The following PRELID2 variants were observed in gnomAD, a reference collection of about 807,000 sequenced individuals.
PRELID2 encodes the protein PRELI domain-containing protein 2.
In PRELID2, 25 loss-of-function variants were observed where a neutral mutation model predicts 28.4. That is an observed-to-expected ratio of 0.88 (90% CI 0.64 to 1.23). The LOEUF (loss-of-function observed/expected upper bound fraction) is 1.23, where lower values mean the gene tolerates loss of function less well. Among genes scored for constraint, PRELID2 ranks in the 50% most tolerant of loss-of-function variants. The probability of loss-of-function intolerance (pLI) is 0.00; values close to 1 mark genes in which losing one functional copy is unlikely to be tolerated. For missense variants in PRELID2, 201 were observed against 214.4 expected (o/e 0.94, Z 0.39); for synonymous variants, 76 against 71.6 (o/e 1.06, Z -0.31).
intron 5 of PRELID2, among the ~76,000 whole-genome samples, chr5:145,776,030 A>G (rs1758385715): frequency 1.4e-5 from 1 of 70,792 alleles, no homozygotes; most frequent in Non-Finnish European, 4.4e-5. Flanking sequence ...TAAGTCAACT[A>G]TTTGCAAAGA....
chr5:145,684,330 C>T (rs1754994911), intron 1 of PRELID2, among the ~76,000 whole-genome samples: 3 of 152,132 alleles, frequency 2.0e-5, no homozygotes, highest in Admixed American at 2.0e-4. Context: ...CTTTGTGGAC[C>T]TCCTTCATGA....
At chr5:145,595,804 C>T (rs1753297232) in intron 1 of PRELID2, among the ~76,000 whole-genome samples, 1 of 152,126 alleles carries the variant, frequency 6.6e-6, no homozygotes, top group Non-Finnish European at 1.5e-5. Context: ...TTAATGGTTA[C>T]ATGTCTACTT....
chr5:145,314,371 G>T, the PRELID2 span, among the ~76,000 whole-genome samples: 6 of 152,106 alleles, frequency 3.9e-5, no homozygotes, highest in Admixed American at 2.6e-4. Context: ...ATAAGCCATT[G>T]ATTTTAATTT....
At chr5:145,309,273 A>G in the PRELID2 span, among the ~76,000 whole-genome samples, 1 of 152,196 alleles carries the variant, frequency 6.6e-6, no homozygotes, top group Admixed American at 6.5e-5. Context: ...TTGCTGGAGA[A>G]CACAGTATTC....
At chr5:145,568,508 G>T (rs187660944) in intron 1 of PRELID2, among the ~76,000 whole-genome samples, 1 of 152,310 alleles carries the variant, frequency 6.6e-6, no homozygotes, top group East Asian at 1.9e-4. Flanking sequence ...GGAGGAACTT[G>T]CAAGGACTAT....
At chr5:145,674,445 A>T (rs564233542) in intron 1 of PRELID2, among the ~76,000 whole-genome samples, 3 of 152,338 alleles carry the variant, frequency 2.0e-5, no homozygotes, top group African/African-American at 4.8e-5. Context: ...ATCTGATCAC[A>T]TATGAAAATT....
At chr5:145,717,519 C>T (rs1024098339) in intron 1 of PRELID2, among the ~76,000 whole-genome samples, 3 of 151,756 alleles carry the variant, frequency 2.0e-5, no homozygotes, top group African/African-American at 2.4e-5. Flanking sequence ...GAGGATAAAA[C>T]GATGCACAGA....
At chr5:145,741,542 TATAA>T (rs1221656485) in intron 1 of PRELID2, among the ~76,000 whole-genome samples, 15 of 122,526 alleles carry the variant, frequency 1.2e-4, no homozygotes, top group African/African-American at 5.0e-4. Flanking sequence ...AAAATTTATT[TATAA>T]ATAATTTATT....
At chr5:145,764,152 T>C (rs1266408423) in intron 6 of PRELID2, among the ~76,000 whole-genome samples, 2 of 152,182 alleles carry the variant, frequency 1.3e-5, no homozygotes, top group Non-Finnish European at 2.9e-5. Flanking sequence ...AAACCTATCA[T>C]ACTCATTTAT....
chr5:145,659,983 A>G (rs1754462987), intron 1 of PRELID2, among the ~76,000 whole-genome samples: 2 of 152,290 alleles, frequency 1.3e-5, no homozygotes, highest in South Asian at 4.1e-4. Flanking sequence ...CTCTAATATT[A>G]ATAATAGTAA....
chr5:145,566,423 A>G (rs1007910366), intron 1 of PRELID2, among the ~76,000 whole-genome samples: 2 of 152,216 alleles, frequency 1.3e-5, no homozygotes, highest in African/African-American at 4.8e-5. Flanking sequence ...TTCCATTTAT[A>G]TACACCTCTG....
chr5:145,540,484 A>T (rs1580972017), intron 1 of PRELID2, among the ~76,000 whole-genome samples: 1 of 151,938 alleles, frequency 6.6e-6, no homozygotes, highest in East Asian at 1.9e-4. Context: ...AACAGCATTT[A>T]ATGGTTAGAA....
intron 1 of PRELID2, among the ~76,000 whole-genome samples, chr5:145,824,217 G>A (rs971814730): frequency 6.6e-6 from 1 of 152,090 alleles, no homozygotes; most frequent in African/African-American, 2.4e-5. Context: ...GAGGTTTACC[G>A]ACGTATCATG....
the PRELID2 span, among the ~76,000 whole-genome samples, chr5:145,286,083 T>C: frequency 1.3e-5 from 2 of 152,182 alleles, no homozygotes; most frequent in Non-Finnish European, 2.9e-5. Flanking sequence ...ATAATTAATA[T>C]AGATGCACCT....
intron 1 of PRELID2, among the ~76,000 whole-genome samples, chr5:145,551,433 T>C (rs1254589631): frequency 7.1e-6 from 1 of 140,038 alleles, no homozygotes; most frequent in Non-Finnish European, 1.6e-5. Context: ...AATAAATAAA[T>C]AAATAAACCT....
chr5:145,601,081 G>T lies in PRELID2; in HGVS notation n.71-127766C>A, dbSNP rs371228724. Among the ~76,000 whole-genome samples the T allele has an allele frequency of 4.6e-5, 7 of 152,182 alleles. No homozygotes were observed. The South Asian group carries it at 8.3e-4, about 18-fold the overall frequency. ...TGAGGTGGGAGGATCACTTTAGCCT[G>T]GGAGTTTGAGGTTACAGTGAACTAT... is the stretch of plus-strand genomic sequence containing the variant. On this transcript the variant is annotated intron_variant and non_coding_transcript_variant, in intron 1 of 2. Transcript: ENST00000510259.
intron 1 of PRELID2, among the ~76,000 whole-genome samples, chr5:145,743,159 A>C (rs1182163112): frequency 6.6e-6 from 1 of 152,070 alleles, no homozygotes; most frequent in African/African-American, 2.4e-5. Context: ...CTGTAATCCT[A>C]GCACTTTGGG....
At chr5:145,660,017 A>C (rs1754463714) in intron 1 of PRELID2, among the ~76,000 whole-genome samples, 1 of 152,224 alleles carries the variant, frequency 6.6e-6, no homozygotes, top group Non-Finnish European at 1.5e-5. Flanking sequence ...ATATTGAGCT[A>C]CAGTGTCAAA....
the PRELID2 span, among the ~76,000 whole-genome samples, chr5:145,322,876 GA>G: frequency 6.6e-6 from 1 of 152,136 alleles, no homozygotes; most frequent in African/African-American, 2.4e-5. Flanking sequence ...AGCTACTCGG[GA>G]GGCTGAGGTA....
Sources: allele counts gnomAD v4.1 joint callset (sites outside exome capture counted in the v4.1 genomes callset), GRCh38; gene constraint gnomAD v4.1.1; transcripts MANE v1.5; gene names NCBI Gene and HGNC (gene_info 2026-07-23, HGNC 2026-07-21).